MARCHF11: variants seen among roughly 807,000 people sequenced by gnomAD.
MARCHF11 encodes the protein E3 ubiquitin-protein ligase MARCHF11.
In MARCHF11, 29 loss-of-function variants were observed where a neutral mutation model predicts 37.3. The ratio of observed to expected loss-of-function variants is 0.78; its 90% CI spans 0.58 to 1.06. The LOEUF is 1.06. Among genes scored for constraint, MARCHF11 ranks in the 50% least tolerant of loss-of-function variants. The pLI is 0.00. For missense variants in MARCHF11, 482 were observed against 533.4 expected, an observed-to-expected ratio of 0.90 and a Z score of 0.95; for synonymous variants, 233 against 228.0, an observed-to-expected ratio of 1.02 and a Z score of -0.20.
At chr5:16,077,580 C>T (rs1196529336) in intron 3 of MARCHF11, among the ~76,000 whole-genome samples, 1 of 152,080 alleles carries the variant, frequency 6.6e-6, no homozygotes, top group African/African-American at 2.4e-5. Context: ...CAGAAACTAC[C>T]ATCTAAGTAT....
intron 2 of MARCHF11, among the ~76,000 whole-genome samples, chr5:16,118,167 G>T (rs139064697): frequency 6.6e-6 from 1 of 152,130 alleles, no homozygotes; most frequent in Admixed American, 6.5e-5. Flanking sequence ...TGGGACGCGC[G>T]GGGGGAAAGG....
intron 2 of MARCHF11, among the ~76,000 whole-genome samples, chr5:16,172,386 T>G (rs933343645): frequency 2.0e-5 from 3 of 152,280 alleles, no homozygotes; most frequent in East Asian, 3.9e-4. Context: ...GGATAGACAT[T>G]TAAATATATC....
chr5:16,131,127 G>C (rs1051247041), intron 2 of MARCHF11, among the ~76,000 whole-genome samples: 12 of 152,214 alleles, frequency 7.9e-5, no homozygotes, highest in African/African-American at 2.9e-4. Context: ...ATTAAGGAAA[G>C]TGCTATAACA....
At chr5:16,162,266 C>T (rs1475517689) in intron 2 of MARCHF11, among the ~76,000 whole-genome samples, 1 of 151,894 alleles carries the variant, frequency 6.6e-6, no homozygotes, top group African/African-American at 2.4e-5. Context: ...AAACCAACAT[C>T]TCACTAGAAC....
At chr5:16,128,676 A>G (rs1056186336) in intron 2 of MARCHF11, among the ~76,000 whole-genome samples, 1 of 152,242 alleles carries the variant, frequency 6.6e-6, no homozygotes, top group Non-Finnish European at 1.5e-5. Flanking sequence ...TTGAACATAG[A>G]AAGTGTCTTA....
At chr5:16,117,248 G>A (rs1035744643) in intron 2 of MARCHF11, among the ~76,000 whole-genome samples, 4 of 152,140 alleles carry the variant, frequency 2.6e-5, no homozygotes, top group Non-Finnish European at 2.9e-5. Flanking sequence ...GATTTTCTTC[G>A]ATACAGAGAT....
chr5:16,129,405 C>T (rs916846152), intron 2 of MARCHF11: 26 of 151,970 alleles, frequency 1.7e-4, no homozygotes, highest in Admixed American at 8.5e-4. Context: ...CAGAATAAAG[C>T]GTGTCTTTCA....
At chr5:16,116,775 G>A (rs143846747) in intron 2 of MARCHF11, among the ~76,000 whole-genome samples, 551 of 152,230 alleles carry the variant, frequency 3.6e-3, no homozygotes, top group African/African-American at 0.012. Flanking sequence ...ACAAATGAAC[G>A]TTTAAGAAAT....
chr5:16,114,021 C>A (rs1406011831), intron 2 of MARCHF11, among the ~76,000 whole-genome samples: 1 of 151,116 alleles, frequency 6.6e-6, no homozygotes, highest in Non-Finnish European at 1.5e-5. Flanking sequence ...TCTAGCTCCC[C>A]CATATGATTG....
chr5:16,124,318 C>T (rs994840801), intron 2 of MARCHF11, among the ~76,000 whole-genome samples: 5 of 152,052 alleles, frequency 3.3e-5, no homozygotes, highest in Admixed American at 6.6e-5. Context: ...GCAAGAAGGA[C>T]GAGGCAGGAC....
intron 3 of MARCHF11, among the ~76,000 whole-genome samples, chr5:16,081,991 G>C (rs959559313): frequency 6.6e-6 from 1 of 152,092 alleles, no homozygotes; most frequent in South Asian, 2.1e-4. Context: ...ATAATCTTTA[G>C]AGACATCAGT....
At chr5:16,175,437 T>C (rs1054302710) in intron 2 of MARCHF11, among the ~76,000 whole-genome samples, 4 of 152,120 alleles carry the variant, frequency 2.6e-5, no homozygotes, top group African/African-American at 9.7e-5. Flanking sequence ...AAGCACACTT[T>C]CCAACAGGGC....
At chr5:16,099,714 T>C (rs1404141725) in intron 2 of MARCHF11, among the ~76,000 whole-genome samples, 1 of 152,216 alleles carries the variant, frequency 6.6e-6, no homozygotes, top group Admixed American at 6.5e-5. Flanking sequence ...TCCAAAAGAA[T>C]TAGGCATGAG....
chr5:16,160,171 T>G (rs1374430653), intron 2 of MARCHF11, among the ~76,000 whole-genome samples: 3 of 150,302 alleles, frequency 2.0e-5, no homozygotes, highest in African/African-American at 7.3e-5. Flanking sequence ...GAAAAATATC[T>G]AAAATATTTG....
At chr5:16,105,703 C>A (rs1411196030) in intron 2 of MARCHF11, among the ~76,000 whole-genome samples, 1 of 152,138 alleles carries the variant, frequency 6.6e-6, no homozygotes, top group Non-Finnish European at 1.5e-5. Context: ...GGTTTTGAAG[C>A]ATCTATAGAA....
chr5:16,127,251 C>T (rs1560982843), intron 2 of MARCHF11, among the ~76,000 whole-genome samples: 1 of 152,140 alleles, frequency 6.6e-6, no homozygotes, highest in African/African-American at 2.4e-5. Context: ...AACATCCTGC[C>T]TTTTCCTGCA....
chr5:16,075,681 A>G (rs1736505537), intron 3 of MARCHF11, among the ~76,000 whole-genome samples: 1 of 152,220 alleles, frequency 6.6e-6, no homozygotes, highest in African/African-American at 2.4e-5. Context: ...CTATGAAAAT[A>G]GAAAAGGATC....
At chr5:16,080,370 C>T (rs1736587166) in intron 3 of MARCHF11, among the ~76,000 whole-genome samples, 1 of 152,170 alleles carries the variant, frequency 6.6e-6, no homozygotes, top group Non-Finnish European at 1.5e-5. Context: ...TGTTTCTCCA[C>T]CGTGTTCCCC....
At chr5:16,088,546 G>T (rs9312902) in intron 3 of MARCHF11, among the ~76,000 whole-genome samples, 88,824 of 152,030 alleles carry the variant, frequency 0.58, 28,627 homozygotes, top group African/African-American at 0.84. Context: ...TTGCAGACAT[G>T]TGAATTAATT....
Sources: gnomAD v4.1 joint callset for allele counts (sites outside exome capture counted in the v4.1 genomes callset) on GRCh38, gnomAD v4.1.1 for gene constraint, MANE v1.5 for transcripts, NCBI Gene and HGNC (gene_info 2026-07-23, HGNC 2026-07-21) for gene names.